The following COBL variants were observed in gnomAD, a reference collection of about 807,000 sequenced individuals.
The protein encoded by COBL is cordon-bleu WH2 repeat protein.
COBL carries 51 observed loss-of-function variants against 98.8 expected under a neutral mutation model. The observed-to-expected ratio is 0.52, with a 90% CI of 0.41 to 0.65. The LOEUF (loss-of-function observed/expected upper bound fraction) is 0.65, where lower values mean the gene tolerates loss of function less well. Ranked by LOEUF, COBL falls within the 30% of genes least tolerant of loss-of-function variation. COBL has a pLI of 0.00. For synonymous variants in COBL, 634 were observed against 651.7 expected (o/e 0.97, Z 0.41); for missense variants, 1,617 against 1,617.5 (o/e 1.00, Z 0.01).
intron 8 of COBL, among the ~76,000 whole-genome samples, chr7:51,038,508 T>C (rs1213218954): frequency 7.2e-5 from 11 of 152,158 alleles, no homozygotes; most frequent in Admixed American, 6.5e-4. Flanking sequence ...TTGACCTTCA[T>C]AGGGTGCAGG....
intron 2 of COBL, among the ~76,000 whole-genome samples, chr7:51,218,032 C>T (rs1290807123): frequency 4.5e-4 from 68 of 152,194 alleles, no homozygotes; most frequent in Non-Finnish European, 1.0e-4. Flanking sequence ...CCACAGGGCC[C>T]CCACTGAGGA....
chr7:51,200,512 T>C (rs1791019065), intron 2 of COBL, among the ~76,000 whole-genome samples: 1 of 152,196 alleles, frequency 6.6e-6, no homozygotes, highest in South Asian at 2.1e-4. Flanking sequence ...AAGTAAACTG[T>C]AGAGCGCCTG....
intron 7 of COBL, among the ~76,000 whole-genome samples, chr7:51,061,166 A>G (rs550779193): frequency 1.3e-5 from 2 of 152,308 alleles, no homozygotes; most frequent in South Asian, 4.1e-4. Flanking sequence ...TGATGTGACT[A>G]GTTTTAGAAA....
intron 5 of COBL, among the ~76,000 whole-genome samples, chr7:51,181,461 G>C (rs1788945356): frequency 6.6e-6 from 1 of 152,218 alleles, no homozygotes; most frequent in African/African-American, 2.4e-5. Flanking sequence ...CAGTTCAGGA[G>C]TGTACAGTCA....
intron 1 of COBL, among the ~76,000 whole-genome samples, chr7:51,245,735 A>G (rs1224178187): frequency 6.6e-6 from 1 of 152,226 alleles, no homozygotes; most frequent in African/African-American, 2.4e-5. Context: ...GGGCAATAAG[A>G]TAGACACAAC....
chr7:51,232,139 G>C (rs1339389634), intron 1 of COBL, among the ~76,000 whole-genome samples: 3 of 152,152 alleles, frequency 2.0e-5, no homozygotes, highest in African/African-American at 7.2e-5. Context: ...CCCAGATAGA[G>C]AATCAGGAAA....
rs139842606 is a variant in COBL at position 51,193,039 on chromosome 7, T to TA, written c.456+339dup. 3.3e-3 allele frequency among the ~76,000 whole-genome samples: 506 copies of TA among 152,270 alleles called. 3 individuals are homozygous for TA. The highest frequency in any genetic ancestry group is 0.012 in the African/African-American group (485 of 41,542). On this transcript the variant is annotated intron_variant, in intron 3 of 12. Coordinates refer to ENST00000265136, the MANE Select transcript of COBL (RefSeq NM_015198.5). ...AGTTATAATAAACATACCAAATTTT[T>TA]AAAAAAGCTGCATGCAGCCAGTGGC... is the stretch of plus-strand genomic sequence containing the variant.
rs181223096 is a variant in COBL, at chr7:51,031,291, C to T, written c.1407-382G>A. 677 of 185,768 alleles carry T rather than the reference C, an allele frequency of 3.6e-3. 1 individual carries two copies. Among genetic ancestry groups the T allele is most frequent in the Non-Finnish European group, 5.0e-3 (451 of 90,422 alleles). 11.5% of individuals were successfully genotyped at this position (185,768 alleles called of 1,614,324 possible). A position where few individuals can be genotyped will look rare whatever the true frequency, so the allele number is the denominator to read the frequency against. On this transcript the variant is annotated intron_variant, in intron 8 of 12. Transcript: ENST00000265136. Reference sequence around the variant, plus strand: ...ATTCCACCGCACAAAAGACGGTTCACGTGATCCAGGATTTGCTTGCATCTG... The same window carrying T: ...ATTCCACCGCACAAAAGACGGTTCATGTGATCCAGGATTTGCTTGCATCTG...
chr7:51,291,457 C>T (rs901263322), intron 1 of COBL, among the ~76,000 whole-genome samples: 4 of 152,122 alleles, frequency 2.6e-5, no homozygotes, highest in African/African-American at 7.2e-5. Context: ...AGGTGACAGT[C>T]ATAAAAAAGC....
intron 5 of COBL, among the ~76,000 whole-genome samples, chr7:51,174,554 T>C (rs1353163592): frequency 6.6e-6 from 1 of 152,168 alleles, no homozygotes; most frequent in South Asian, 2.1e-4. Flanking sequence ...ACTCTACCCT[T>C]GAACCAAATG....
At chr7:51,172,799 CT>C (rs546016927) in intron 5 of COBL, among the ~76,000 whole-genome samples, 1 of 150,690 alleles carries the variant, frequency 6.6e-6, no homozygotes, top group African/African-American at 2.4e-5. Flanking sequence ...TCTCTCTTTC[CT>C]TTTTTTTTGA....
intron 2 of COBL, among the ~76,000 whole-genome samples, chr7:51,198,682 A>G (rs1790819717): frequency 6.6e-6 from 1 of 152,340 alleles, no homozygotes; most frequent in Non-Finnish European, 1.5e-5. Flanking sequence ...GGACATAATT[A>G]TGGTTTCCAG....
At chr7:51,209,384 G>A (rs1232862508) in intron 2 of COBL, among the ~76,000 whole-genome samples, 2 of 152,196 alleles carry the variant, frequency 1.3e-5, no homozygotes, top group African/African-American at 4.8e-5. Context: ...GGAAGTGGGT[G>A]CTGGTGGCAG....
chr7:51,053,241 C>T (rs1206994470), intron 7 of COBL, among the ~76,000 whole-genome samples: 3 of 152,186 alleles, frequency 2.0e-5, no homozygotes, highest in African/African-American at 7.2e-5. Flanking sequence ...CTACAATCCC[C>T]TTTGAAATTC....
At position 51,043,684 on chromosome 7, in the gene COBL, G is replaced by A; in HGVS notation, c.1105C>T (p.Pro369Ser). The A allele has an allele frequency of 6.2e-7, 1 of 1,613,100 alleles. No individual in the cohort carries two copies. The highest frequency in any genetic ancestry group is 8.5e-7 in the Non-Finnish European group (1 of 1,179,814). The stretch of plus-strand genomic sequence containing the variant: ...CTGCAGTGGCTGCCAGACCCCAGGG[G>A]CAGGCTTACTGGACAAGACACGGCA... ...ENRKSTMVSL[P>S]LGSGSHCSPD... is the part of the protein sequence containing the mutation. The change falls in exon 8 of 13, where the codon CCC becomes TCC. Residue 369 changes from proline to serine, a missense_variant. Pro to Ser is a moderately conservative substitution (Grantham distance 74, BLOSUM62 -1). Around this residue, in one of 3 missense-constraint regions of COBL, gnomAD observed 1,304 missense variants for 1,282.0 expected, o/e 1.02. Coordinates refer to ENST00000265136, the MANE Select transcript of COBL (RefSeq NM_015198.5).
At chr7:51,122,745 G>A (rs1216267117) in intron 6 of COBL, among the ~76,000 whole-genome samples, 4 of 152,136 alleles carry the variant, frequency 2.6e-5, no homozygotes, top group East Asian at 1.9e-4. Context: ...TTGGGAAGCC[G>A]AGGTTGGTGG....
intron 1 of COBL, among the ~76,000 whole-genome samples, chr7:51,237,215 C>A (rs1795337263): frequency 6.6e-6 from 1 of 152,150 alleles, no homozygotes; most frequent in Non-Finnish European, 1.5e-5. Flanking sequence ...TTAGCACTCA[C>A]AAAGTAAACT....
chr7:51,223,350 G>T (rs1793844535), intron 1 of COBL, among the ~76,000 whole-genome samples: 1 of 152,184 alleles, frequency 6.6e-6, no homozygotes. Flanking sequence ...ATGAATTTTG[G>T]GCTGCTTTTG....
At chr7:51,116,755 T>C (rs1196186558) in intron 6 of COBL, among the ~76,000 whole-genome samples, 1 of 152,176 alleles carries the variant, frequency 6.6e-6, no homozygotes, top group East Asian at 1.9e-4. Context: ...GGAGGTCTAA[T>C]GGCAATTCTT....
Sources: allele counts gnomAD v4.1 joint callset (sites outside exome capture counted in the v4.1 genomes callset), GRCh38; gene constraint gnomAD v4.1.1; regional missense constraint gnomAD v4.1.1; transcripts MANE v1.5; gene names NCBI Gene and HGNC (gene_info 2026-07-23, HGNC 2026-07-21).